Variants in CD40 observed in about 807,000 individuals in gnomAD.
CD40 encodes CD40 molecule.
In CD40, 19 loss-of-function variants were observed where a neutral mutation model predicts 38.5. That is an observed-to-expected ratio of 0.49 (90% CI 0.34 to 0.72). The LOEUF is 0.72. Among genes scored for constraint, CD40 ranks in the 30% least tolerant of loss-of-function variants. The pLI, the probability that CD40 is intolerant of heterozygous loss-of-function variation, is 0.01. For missense variants in CD40, 256 were observed against 344.1 expected (o/e 0.74, Z 2.03); for synonymous variants, 130 against 128.7 (o/e 1.01, Z -0.07).
Position 46,122,937 on chromosome 20 carries a change from G to T in CD40, c.403+181G>T, listed in dbSNP as rs963784749. 2 of 925,520 alleles carry T rather than the reference G, an allele frequency of 2.2e-6. No individual in the cohort carries two copies. The highest frequency in any genetic ancestry group is 4.2e-5 in the Admixed American group (2 of 47,854). 57.3% of individuals were successfully genotyped at this position (925,520 alleles called of 1,614,324 possible). A position where few individuals can be genotyped will look rare whatever the true frequency, so the allele number is the denominator to read the frequency against. ...CCTTGTTCATTCTGCCTTCTGCCATGGGGATCTGCCTTTGAAGGGCAATGG... is the reference window on the plus strand; with the variant it reads ...CCTTGTTCATTCTGCCTTCTGCCATTGGGATCTGCCTTTGAAGGGCAATGG... On this transcript the variant is annotated intron_variant, in intron 4 of 8. Transcript: ENST00000372285. The surrounding 1 kb of genome is among the most constrained non-coding windows in gnomAD (Gnocchi z 5.0).
chr20:46,122,009 C>A lies in CD40; in HGVS notation c.130+111C>A. 9.4e-7 allele frequency: 1 copy of A among 1,069,312 alleles called. No homozygotes were observed. The highest frequency in any genetic ancestry group is 1.4e-6 in the Non-Finnish European group (1 of 697,252). 66.2% of individuals were successfully genotyped at this position (1,069,312 alleles called of 1,614,324 possible). A position where few individuals can be genotyped will look rare whatever the true frequency, so the allele number is the denominator to read the frequency against. On this transcript the variant is annotated intron_variant, in intron 2 of 8. Transcript: ENST00000372285. This position sits in a 1 kb window ranked among gnomAD's most constrained non-coding sequence, Gnocchi z 5.0. ...AAATCTGAAACGACCCATTTCCCAG[C>A]CCTGCTTCACTGTCAGAATGTTCTG...
intron 5 of CD40, among the ~76,000 whole-genome samples, chr20:46,125,958 G>A (rs1438670521): frequency 1.3e-5 from 2 of 152,116 alleles, no homozygotes; most frequent in Non-Finnish European, 2.9e-5. Flanking sequence ...CCCACTTAGC[G>A]GGACTGCACT....
rs751910371 is a variant in CD40 at position 46,122,721 on chromosome 20, G to A, written c.368G>A (p.Arg123His). ...GCCTGTGAGAGCTGTGTCCTGCACC[G>A]CTCATGCTCGCCCGGCTTTGGGGTC... ...SEACESCVLHRSCSPGFGVKQ... is the reference protein window; with the variant it reads ...SEACESCVLHHSCSPGFGVKQ... Residue 123 changes from arginine to histidine, a missense_variant, in exon 4 of 9, where the codon CGC becomes CAC. Arg to His is a conservative substitution (Grantham distance 29). Coordinates refer to ENST00000372285, the MANE Select transcript of CD40 (RefSeq NM_001250.6). This position sits in a 1 kb window ranked among gnomAD's most constrained non-coding sequence, Gnocchi z 5.0. 1.1e-5 allele frequency: 18 copies of A among 1,614,020 alleles called. 1 individual carries two copies. The highest frequency in any genetic ancestry group is 4.0e-5 in the African/African-American group (3 of 74,902).
chr20:46,127,806 A>G (rs1349576926), intron 6 of CD40, among the ~76,000 whole-genome samples: 1 of 152,162 alleles, frequency 6.6e-6, no homozygotes, highest in Non-Finnish European at 1.5e-5. Flanking sequence ...GGTGACAGCC[A>G]CTGCCACCAC....
chr20:46,119,067 G>T (rs2085268037), intron 1 of CD40, among the ~76,000 whole-genome samples: 2 of 5,364 alleles, frequency 3.7e-4, no homozygotes, highest in South Asian at 0.018. Flanking sequence ...CAGAGTTCTG[G>T]TTGGCTCTGA....
intron 5 of CD40, among the ~76,000 whole-genome samples, chr20:46,126,054 T>A (rs1433273096): frequency 6.6e-6 from 1 of 152,014 alleles, no homozygotes; most frequent in Non-Finnish European, 1.5e-5. Flanking sequence ...AAACCAGAGG[T>A]TCTCAACAGG....
chr20:46,128,188 A>T lies in CD40; in HGVS notation c.610A>T (p.Ile204Phe). Residue 204 changes from isoleucine to phenylalanine, a missense_variant, in exon 7 of 9, where the codon ATC becomes TTC. By Grantham distance (21) the Ile-to-Phe change is conservative (BLOSUM62 0). Coordinates refer to ENST00000372285, the MANE Select transcript of CD40 (RefSeq NM_001250.6). ...ALVVIPIIFGILFAILLVLVF... is the reference protein window; with the variant it reads ...ALVVIPIIFGFLFAILLVLVF... The stretch of plus-strand genomic sequence containing the variant: ...GGTGGTGATCCCCATCATCTTCGGG[A>T]TCCTGTTTGCCATCCTCTTGGTGCT... 6.2e-7 allele frequency: 1 copy of T among 1,610,556 alleles called. No individual in the cohort carries two copies. The highest frequency in any genetic ancestry group is 1.4e-5 in the African/African-American group (1 of 73,886).
chr20:46,125,565 A>T, intron 5 of CD40, among the ~76,000 whole-genome samples: 1 of 151,316 alleles, frequency 6.6e-6, no homozygotes, highest in East Asian at 2.0e-4. Flanking sequence ...AAAAAAAAAA[A>T]AAAAAAGACT....
chr20:46,122,694 A>G lies in CD40; in HGVS notation c.341A>G (p.Glu114Gly). Residue 114 changes from glutamate (E) to glycine (G), a missense_variant, in exon 4 of 9, where the codon GAG (glutamate) becomes GGG (glycine). Coordinates refer to ENST00000372285, the MANE Select transcript of CD40 (RefSeq NM_001250.6). This position sits in a 1 kb window ranked among gnomAD's most constrained non-coding sequence, Gnocchi z 5.0. ...TCEEGWHCTSEACESCVLHRS... is the reference protein window; with the variant it reads ...TCEEGWHCTSGACESCVLHRS... ...GAAGAAGGCTGGCACTGTACGAGTG[A>G]GGCCTGTGAGAGCTGTGTCCTGCAC... is the stretch of plus-strand genomic sequence containing the variant. 6.2e-7 allele frequency: 1 copy of G among 1,614,148 alleles called. No homozygotes were observed. Among genetic ancestry groups the G allele is most frequent in the Admixed American group, 1.7e-5 (1 of 60,022 alleles).
intron 5 of CD40, among the ~76,000 whole-genome samples, chr20:46,125,966 A>G (rs564996931): frequency 2.0e-5 from 3 of 152,168 alleles, no homozygotes; most frequent in Admixed American, 2.0e-4. Flanking sequence ...GCGGGACTGC[A>G]CTGCTGATCC....
At position 46,122,413 on chromosome 20, in the gene CD40, A is replaced by G. The variant is rs184387292; in HGVS notation, c.256+55A>G. 1.2e-4 allele frequency: 200 copies of G among 1,611,984 alleles called. 1 individual carries two copies. The African/African-American group carries it at 2.2e-3, about 18-fold the overall frequency. ...GGGAACCGGGCTGATATTCCCGACA[A>G]TGCAGCCATTCTAATTTTATGTAGC... On this transcript the variant is annotated intron_variant, in intron 3 of 8. Transcript: ENST00000372285. This position sits in a 1 kb window ranked among gnomAD's most constrained non-coding sequence, Gnocchi z 5.0.
At chr20:46,119,052 G>C (rs560262532) in intron 1 of CD40, among the ~76,000 whole-genome samples, 22 of 124,298 alleles carry the variant, frequency 1.8e-4, no homozygotes, top group African/African-American at 6.0e-4. Context: ...AAAGGGTTAG[G>C]AGACCAGAGT....
intron 8 of CD40, 179 bp downstream of exon 8, chr20:46,128,537 C>A: frequency 1.3e-6 from 1 of 755,252 alleles, no homozygotes; most frequent in Non-Finnish European, 2.3e-6. Flanking sequence ...CTCAATCCCC[C>A]ACAGAACTGC....
chr20:46,129,181 G>C lies in CD40; in HGVS notation c.*141G>C. On this transcript the variant is annotated 3_prime_UTR_variant, in exon 9 of 9. Coordinates refer to ENST00000372285, the MANE Select transcript of CD40 (RefSeq NM_001250.6). ...CCCCGCTTCTGCCTGCACCCCTGCA[G>C]TTTGAGACAGGAGACCTGGCACTGG... 3.4e-6 allele frequency: 3 copies of C among 887,782 alleles called. No homozygotes were observed. Among genetic ancestry groups the C allele is most frequent in the Non-Finnish European group, 5.4e-6 (3 of 550,932 alleles). 55.0% of individuals were successfully genotyped at this position (887,782 alleles called of 1,614,324 possible).
chr20:46,125,976 C>CA (rs2085427070), intron 5 of CD40, among the ~76,000 whole-genome samples: 1 of 152,206 alleles, frequency 6.6e-6, no homozygotes, highest in Non-Finnish European at 1.5e-5. Context: ...ACTGCTGATC[C>CA]AAATTTTACA....
At chr20:46,128,563 C>A in intron 8 of CD40, 1 of 717,522 alleles carries the variant, frequency 1.4e-6, no homozygotes. Flanking sequence ...GCACCACTGG[C>A]AGAGCCTAAC....
In CD40 at chr20:46,129,049, C is replaced by T; in HGVS notation, c.*9C>T. 6.2e-7 allele frequency: 1 copy of T among 1,613,756 alleles called. No individual in the cohort carries two copies. Among genetic ancestry groups the T allele is most frequent in the East Asian group, 2.2e-5 (1 of 44,880 alleles). On this transcript the variant is annotated 3_prime_UTR_variant, in exon 9 of 9. Transcript: ENST00000372285. ...TGCAGGAGAGACAGTGAGGCTGCACCCACCCAGGAGTGTGGCCACGTGGGC... is the reference window on the plus strand; with the variant it reads ...TGCAGGAGAGACAGTGAGGCTGCACTCACCCAGGAGTGTGGCCACGTGGGC...
chr20:46,119,816 C>T (rs915280728), intron 1 of CD40, among the ~76,000 whole-genome samples: 4 of 152,134 alleles, frequency 2.6e-5, no homozygotes, highest in African/African-American at 7.2e-5. Context: ...GCATGATTCC[C>T]GAGCCTGCCT....
chr20:46,121,933 C>T, intron 2 of CD40, 35 bp downstream of exon 2: 3 of 1,556,554 alleles, frequency 1.9e-6, no homozygotes, highest in South Asian at 2.2e-5. Context: ...ATCATGGAGT[C>T]CCCCTTTGCT....
Sources: allele counts gnomAD v4.1 joint callset (sites outside exome capture counted in the v4.1 genomes callset), GRCh38; gene constraint gnomAD v4.1.1; non-coding constraint Gnocchi (gnomAD v3.1); transcripts MANE v1.5; gene names NCBI Gene and HGNC (gene_info 2026-07-23, HGNC 2026-07-21).